Variants in ABCB7 observed in about 807,000 individuals in gnomAD.
The protein encoded by ABCB7 is iron-sulfur clusters transporter ABCB7, mitochondrial.
A neutral mutation model predicts 54.4 loss-of-function variants in ABCB7; 7 were observed. The ratio of observed to expected loss-of-function variants is 0.13; its 90% CI spans 0.07 to 0.24. The LOEUF is 0.24. Ranked by LOEUF, ABCB7 falls within the 10% of genes least tolerant of loss-of-function variation. ABCB7 has a pLI of 1.00. For missense variants in ABCB7, 356 were observed against 570.4 expected (o/e 0.62, Z 3.83); for synonymous variants, 218 against 207.1 (o/e 1.05, Z -0.45).
At chrX:75,088,721 A>G (rs1321488898) in intron 4 of ABCB7, among the ~76,000 whole-genome samples, 2 of 110,990 alleles carry the variant, frequency 1.8e-5, no homozygotes, top group Non-Finnish European at 3.8e-5. Flanking sequence ...AGGAAAAGGG[A>G]AAAGGAACAG....
In ABCB7 at chrX:75,097,907, ACTTG is replaced by A. The variant is rs2081605353; in HGVS notation, c.453+1031_453+1034del. 3.6e-5 allele frequency among the ~76,000 whole-genome samples: 4 copies of A among 112,018 alleles called. No homozygotes were observed. The South Asian group carries it at 1.5e-3, about 41-fold the overall frequency. On this transcript the variant is annotated intron_variant, in intron 4 of 15. Coordinates refer to ENST00000373394, the MANE Select transcript of ABCB7 (RefSeq NM_001271696.3). Reference sequence around the variant, plus strand: ...CAAACTGAGGCACACAGACTAAACAACTTGCTTAAGGTTACAAGGTGGCAAAGCC... The same window carrying A: ...CAAACTGAGGCACACAGACTAAACAACTTAAGGTTACAAGGTGGCAAAGCC...
intron 3 of ABCB7, among the ~76,000 whole-genome samples, chrX:75,104,427 A>G (rs2081671174): frequency 9.1e-6 from 1 of 109,886 alleles, no homozygotes; most frequent in Admixed American, 9.8e-5. Context: ...CTATGCATAC[A>G]AACTAGAAAA....
intron 13 of ABCB7, among the ~76,000 whole-genome samples, chrX:75,063,962 C>T (rs184410751): frequency 2.3e-3 from 251 of 111,141 alleles, no homozygotes; most frequent in African/African-American, 7.7e-3. Context: ...GTTCATATTA[C>T]GTGATAAATT....
At chrX:75,145,960 T>C (rs1383411078) in intron 1 of ABCB7, among the ~76,000 whole-genome samples, 6 of 109,974 alleles carry the variant, frequency 5.5e-5, no homozygotes, top group Admixed American at 4.9e-4. Context: ...AAATAAAAAT[T>C]AAAATAAAAA....
rs538392308 is a variant in ABCB7, at chrX:75,092,509, T to C, written c.453+6433A>G. On this transcript the variant is annotated intron_variant, in intron 4 of 15. Transcript: ENST00000373394. ...AACGTAAGATAAAATCCAGGTAACC[T>C]TGGGTTTGGCAATGACTTAGCACCA... 9.9e-5 allele frequency among the ~76,000 whole-genome samples: 11 copies of C among 111,476 alleles called. No individual in the cohort carries two copies. In the South Asian group the frequency reaches 4.1e-3, roughly 42 times the overall value.
rs1322353615 is a variant in ABCB7 at position 75,104,129 on chromosome X, T to C, written c.334-5068A>G. 4.3e-5 allele frequency among the ~76,000 whole-genome samples: 4 copies of C among 93,172 alleles called. No homozygotes were observed. The East Asian group carries it at 1.0e-3, about 24-fold the overall frequency. 80.9% of individuals were successfully genotyped at this position (93,172 alleles called of 115,157 possible). On this transcript the variant is annotated intron_variant, in intron 3 of 15. Coordinates refer to ENST00000373394, the MANE Select transcript of ABCB7 (RefSeq NM_001271696.3). ...CTTCCCTATTCGGTATGTTGTTAGC[T>C]GTGGGTAAGTCATATATGGCATTTA...
At chrX:75,146,644 C>T in intron 1 of ABCB7, among the ~76,000 whole-genome samples, 1 of 111,939 alleles carries the variant, frequency 8.9e-6, no homozygotes, top group Non-Finnish European at 1.9e-5. Context: ...TGGAGCCTTC[C>T]TTATACCATA....
chrX:75,076,357 T>C (rs1038954726), intron 5 of ABCB7, among the ~76,000 whole-genome samples, 165 bp downstream of exon 5: 1 of 112,522 alleles, frequency 8.9e-6, no homozygotes, highest in African/African-American at 3.2e-5. Flanking sequence ...TGAAAGTGTA[T>C]CATACAGAAT....
chrX:75,079,199 G>A (rs2035363879), intron 4 of ABCB7, among the ~76,000 whole-genome samples: 1 of 112,137 alleles, frequency 8.9e-6, no homozygotes, highest in Admixed American at 9.5e-5. Context: ...AAAAAGGGCA[G>A]TTAGCACATG....
chrX:75,124,979 G>GTT (rs1470268903), intron 1 of ABCB7, among the ~76,000 whole-genome samples: 2 of 111,932 alleles, frequency 1.8e-5, no homozygotes, highest in African/African-American at 6.5e-5. Context: ...ACTTGGAAGA[G>GTT]AACCCTCAAG....
chrX:75,065,305 T>C (rs1324283180), intron 12 of ABCB7, 64 bp from the exon 13 acceptor site: 50 of 1,017,097 alleles, frequency 4.9e-5, no homozygotes, highest in Non-Finnish European at 6.7e-5. Context: ...TTTATGTTCA[T>C]TATTAAAAAT....
At chrX:75,093,049 A>G (rs963759704) in intron 4 of ABCB7, among the ~76,000 whole-genome samples, 9 of 111,852 alleles carry the variant, frequency 8.0e-5, no homozygotes, top group African/African-American at 2.6e-4. Flanking sequence ...CAATCCAGCA[A>G]TTGTGTTCTT....
intron 4 of ABCB7, among the ~76,000 whole-genome samples, chrX:75,084,574 T>G (rs921364966): frequency 2.7e-5 from 3 of 111,377 alleles, no homozygotes; most frequent in African/African-American, 9.8e-5. Context: ...GTTAGGCAAA[T>G]AGTTATTAGA....
At chrX:75,115,946 T>C (rs765171412) in intron 1 of ABCB7, among the ~76,000 whole-genome samples, 15 of 111,545 alleles carry the variant, frequency 1.3e-4, no homozygotes, top group Non-Finnish European at 2.4e-4. Context: ...CTGACTGCTA[T>C]AGTATCATAT....
At chrX:75,079,334 G>T (rs1277853252) in intron 4 of ABCB7, among the ~76,000 whole-genome samples, 1 of 111,505 alleles carries the variant, frequency 9.0e-6, no homozygotes, top group Non-Finnish European at 1.9e-5. Context: ...AAAGAAATAA[G>T]AAGGATACTA....
At chrX:75,142,549 G>A (rs1193930634) in intron 1 of ABCB7, among the ~76,000 whole-genome samples, 2 of 111,820 alleles carry the variant, frequency 1.8e-5, no homozygotes, top group Admixed American at 9.5e-5. Context: ...AAAGAAATAT[G>A]ATGTTTGCAT....
Position 75,053,541 on chromosome X carries a change from G to T in ABCB7, c.2088C>A (p.Asn696Lys), listed in dbSNP as rs2081211964. 8.3e-7 allele frequency: 1 copy of T among 1,203,293 alleles called. No individual in the cohort carries two copies. Among genetic ancestry groups the T allele is most frequent in the Non-Finnish European group, 1.1e-6 (1 of 890,220 alleles). The change falls in exon 16 of 16, where the codon AAC becomes AAA. Residue 696 changes from asparagine (N) to lysine (K), a missense_variant. Physicochemically the swap from Asn to Lys is moderately conservative, Grantham distance 94. This residue lies in a region of ABCB7 where 241 missense variants were observed against 470.9 expected (regional missense o/e 0.51). Coordinates refer to ENST00000373394, the MANE Select transcript of ABCB7 (RefSeq NM_001271696.3). ...ERGTHHGLLANPHSIYSEMWH... is the reference protein window; with the variant it reads ...ERGTHHGLLAKPHSIYSEMWH... ...ACATTTCTGAATAGATACTATGAGG[G>T]TTAGCAAGCAAACCATGGTGGGTAC...
intron 3 of ABCB7, among the ~76,000 whole-genome samples, chrX:75,106,024 G>C (rs998606356): frequency 9.0e-6 from 1 of 111,406 alleles, no homozygotes; most frequent in Non-Finnish European, 1.9e-5. Context: ...AGAAAACCTA[G>C]AAAAAACTTT....
chrX:75,098,912 A>AT (rs1285591487), intron 4 of ABCB7, 30 bp downstream of exon 4: 30 of 1,210,172 alleles, frequency 2.5e-5, no homozygotes, highest in Non-Finnish European at 3.4e-5. Flanking sequence ...TTTCTTAGTT[A>AT]GAGCAACCAA....
Sources: allele counts gnomAD v4.1 joint callset (sites outside exome capture counted in the v4.1 genomes callset), GRCh38; gene constraint gnomAD v4.1.1; regional missense constraint gnomAD v4.1.1; transcripts MANE v1.5; gene names NCBI Gene and HGNC (gene_info 2026-07-23, HGNC 2026-07-21).